ANK2: variants seen among roughly 807,000 people sequenced by gnomAD.
ANK2 encodes the protein ankyrin-2.
ANK2 carries 83 observed loss-of-function variants against 360.5 expected under a neutral mutation model. The observed-to-expected ratio is 0.23, with a 90% confidence interval of 0.19 to 0.28. The LOEUF (loss-of-function observed/expected upper bound fraction) is 0.28, where lower values mean the gene tolerates loss of function less well. ANK2 is among the 10% of genes least tolerant of loss of function. The probability of loss-of-function intolerance (pLI) is 1.00; values close to 1 mark genes in which losing one functional copy is unlikely to be tolerated. For synonymous variants in ANK2, 1,740 were observed against 1,759.5 expected, an observed-to-expected ratio of 0.99 and a Z score of 0.28; for missense variants, 4,201 against 4,795.7, an observed-to-expected ratio of 0.88 and a Z score of 3.66.
At chr4:113,005,664 C>T (rs754266165) in intron 2 of ANK2, among the ~76,000 whole-genome samples, 2 of 152,082 alleles carry the variant, frequency 1.3e-5, no homozygotes, top group Non-Finnish European at 2.9e-5. Context: ...TACATTTTAA[C>T]GTTTGATAGT....
chr4:112,790,207 T>G, the ANK2 span, among the ~76,000 whole-genome samples: 1 of 152,196 alleles, frequency 6.6e-6, no homozygotes, highest in African/African-American at 2.4e-5. Context: ...GATTTAGACA[T>G]TTTTGGAAAT....
intron 2 of ANK2, among the ~76,000 whole-genome samples, chr4:112,931,224 A>G (rs2093187798): frequency 6.6e-6 from 1 of 152,080 alleles, no homozygotes; most frequent in Admixed American, 6.6e-5. Context: ...GGAAGTGGTT[A>G]AGCAGAGCAG....
chr4:113,352,265 T>G (rs555053149), intron 37 of ANK2, among the ~76,000 whole-genome samples: 2 of 152,340 alleles, frequency 1.3e-5, no homozygotes, highest in East Asian at 3.9e-4. Flanking sequence ...GACTCACTTA[T>G]AAGTTTAATC....
At chr4:113,021,021 G>A (rs191311665) in intron 2 of ANK2, among the ~76,000 whole-genome samples, 4 of 151,932 alleles carry the variant, frequency 2.6e-5, no homozygotes, top group African/African-American at 4.8e-5. Context: ...ATGAGGCAGG[G>A]GCTATAGCAT....
At chr4:112,913,133 A>G (rs1269435359) in intron 2 of ANK2, among the ~76,000 whole-genome samples, 1 of 152,180 alleles carries the variant, frequency 6.6e-6, no homozygotes, top group Non-Finnish European at 1.5e-5. Context: ...CTTCATATCT[A>G]TTGTTGCTAG....
chr4:113,018,212 G>C (rs1457947008), intron 2 of ANK2, among the ~76,000 whole-genome samples: 2 of 152,158 alleles, frequency 1.3e-5, no homozygotes, highest in Admixed American at 6.5e-5. Context: ...ATAAAACACA[G>C]GTAACTTGAC....
At chr4:113,226,820 G>T (rs2099229376) in intron 4 of ANK2, among the ~76,000 whole-genome samples, 2 of 152,118 alleles carry the variant, frequency 1.3e-5, no homozygotes, top group Non-Finnish European at 2.9e-5. Context: ...AGCACCTGTT[G>T]GTCACACCAG....
chr4:112,864,887 C>T (rs2069716115), intron 1 of ANK2, among the ~76,000 whole-genome samples: 1 of 151,290 alleles, frequency 6.6e-6, no homozygotes, highest in East Asian at 2.0e-4. Flanking sequence ...AAAAAATTAG[C>T]TGGGCGTGGT....
At chr4:112,753,460 G>C in the ANK2 span, among the ~76,000 whole-genome samples, 46,297 of 152,064 alleles carry the variant, frequency 0.3, 7,174 homozygotes, top group East Asian at 0.35. Context: ...AGAGGCATTT[G>C]AACCAGAGCA....
chr4:112,991,693 A>G (rs973923658), intron 2 of ANK2, among the ~76,000 whole-genome samples: 1 of 144,618 alleles, frequency 6.9e-6, no homozygotes, highest in African/African-American at 2.6e-5. Flanking sequence ...GTTTTGCTTA[A>G]TAATTCCGTC....
intron 34 of ANK2, among the ~76,000 whole-genome samples, chr4:113,344,705 G>T (rs1169913458): frequency 6.6e-6 from 1 of 152,012 alleles, no homozygotes; most frequent in African/African-American, 2.4e-5. Context: ...GCCTTTAAAA[G>T]GAAGGAAATT....
At chr4:112,793,455 G>A in the ANK2 span, among the ~76,000 whole-genome samples, 1 of 152,032 alleles carries the variant, frequency 6.6e-6, no homozygotes, top group African/African-American at 2.4e-5. Context: ...ATTTAGAAAA[G>A]TAGTAATAAG....
intron 1 of ANK2, among the ~76,000 whole-genome samples, chr4:113,115,736 C>T (rs901513708): frequency 2.3e-4 from 35 of 152,102 alleles, no homozygotes; most frequent in African/African-American, 8.2e-4. Context: ...ACTTTACGTT[C>T]TTCATTTATG....
chr4:113,096,552 T>G (rs1316995267), intron 1 of ANK2, among the ~76,000 whole-genome samples: 16 of 152,186 alleles, frequency 1.1e-4, no homozygotes, highest in Admixed American at 1.0e-3. Context: ...ATTTATGCTT[T>G]ATCTTTAAGG....
chr4:112,788,722 G>A, the ANK2 span: 10 of 1,593,390 alleles, frequency 6.3e-6, no homozygotes, highest in Admixed American at 3.3e-5. Context: ...TTCACAAAGC[G>A]GGTGAGGTCT....
At chr4:113,083,763 A>G (rs2083369589) in intron 1 of ANK2, among the ~76,000 whole-genome samples, 1 of 152,236 alleles carries the variant, frequency 6.6e-6, no homozygotes, top group African/African-American at 2.4e-5. Context: ...AACAGCAAGA[A>G]TTTAAAATAT....
At chr4:113,143,007 C>A (rs1168048695) in intron 1 of ANK2, among the ~76,000 whole-genome samples, 3 of 148,694 alleles carry the variant, frequency 2.0e-5, no homozygotes, top group Non-Finnish European at 1.5e-5. Flanking sequence ...TGTTAATCTG[C>A]AAAAAAAAAA....
intron 2 of ANK2, among the ~76,000 whole-genome samples, chr4:112,961,844 C>G (rs2034993047): frequency 6.6e-6 from 1 of 151,372 alleles, no homozygotes; most frequent in Non-Finnish European, 1.5e-5. Context: ...ATTATAATGA[C>G]TTGAAAACCT....
intron 5 of ANK2, among the ~76,000 whole-genome samples, chr4:113,233,562 CT>C (rs2099347525): frequency 6.6e-6 from 1 of 152,264 alleles, no homozygotes; most frequent in East Asian, 1.9e-4. Flanking sequence ...TCTAATATGG[CT>C]TCCTTTCTGG....
Sources: allele counts gnomAD v4.1 joint callset (sites outside exome capture counted in the v4.1 genomes callset), GRCh38; gene constraint gnomAD v4.1.1; transcripts MANE v1.5; gene names NCBI Gene and HGNC (gene_info 2026-07-23, HGNC 2026-07-21).